FAM110B: variants seen among roughly 807,000 people sequenced by gnomAD.
The protein encoded by FAM110B is protein FAM110B.
Under a neutral mutation model 20.4 loss-of-function variants are expected in FAM110B, and 6 were observed. The observed-to-expected ratio is 0.29, with a 90% CI of 0.16 to 0.58. FAM110B has a LOEUF of 0.58. Among genes scored for constraint, FAM110B ranks in the 20% least tolerant of loss-of-function variants. The pLI, the probability that FAM110B is intolerant of heterozygous loss-of-function variation, is 0.90. For missense variants in FAM110B, 434 were observed against 498.2 expected, an observed-to-expected ratio of 0.87 and a Z score of 1.23; for synonymous variants, 226 against 214.1, an observed-to-expected ratio of 1.06 and a Z score of -0.49.
rs1479100400 is a variant in FAM110B, at chr8:58,040,146, A to G, written c.-414+8443A>G. 2.0e-5 allele frequency among the ~76,000 whole-genome samples: 3 copies of G among 151,080 alleles called. 1 individual carries two copies. Among genetic ancestry groups the G allele is most frequent in the Non-Finnish European group, 4.4e-5 (3 of 67,832 alleles). On this transcript the variant is annotated intron_variant, in intron 2 of 3. Transcript: ENST00000519262. ...GAATTGGTCAGCGCTTCTTCGACAT[A>G]CTGTACCCACCTCAGCAATTTTTGA... is the stretch of plus-strand genomic sequence containing the variant.
intron 1 of FAM110B, among the ~76,000 whole-genome samples, chr8:58,025,462 A>T (rs1334264397): frequency 1.3e-5 from 2 of 152,020 alleles, no homozygotes; most frequent in Non-Finnish European, 2.9e-5. Context: ...GGTAGATGAG[A>T]CTCCATCCAT....
chr8:58,042,928 G>T (rs550386892), intron 2 of FAM110B, among the ~76,000 whole-genome samples: 2 of 152,210 alleles, frequency 1.3e-5, no homozygotes, highest in Non-Finnish European at 2.9e-5. Flanking sequence ...ACTTTGCGTG[G>T]TGCTTTCATC....
At chr8:58,127,423 C>T (rs1304607945) in intron 3 of FAM110B, among the ~76,000 whole-genome samples, 1 of 152,222 alleles carries the variant, frequency 6.6e-6, no homozygotes, top group Admixed American at 6.5e-5. Context: ...CTTGCATAAG[C>T]TCGCAAATAA....
At chr8:58,019,361 G>GGAAA (rs142262404) in intron 1 of FAM110B, among the ~76,000 whole-genome samples, 7 of 115,542 alleles carry the variant, frequency 6.1e-5, no homozygotes, top group Non-Finnish European at 1.3e-4. Flanking sequence ...AAAAAAAAAA[G>GGAAA]GAAAGAAAGA....
chr8:58,075,271 T>TGTGTGTGTGTGTGTG (rs1554521060), intron 2 of FAM110B, among the ~76,000 whole-genome samples: 19 of 134,726 alleles, frequency 1.4e-4, no homozygotes, highest in African/African-American at 6.4e-4. Context: ...GCTTTTTTTT[T>TGTGTGTGTGTGTGTG]TTTTTGTGTG....
Position 58,148,695 on chromosome 8 carries a change from G to C in FAM110B, c.*1352G>C, listed in dbSNP as rs2150649646. 1 of 167,184 alleles carries C rather than the reference G, an allele frequency of 6.0e-6. No individual in the cohort carries two copies. Among genetic ancestry groups the C allele is most frequent in the African/African-American group, 2.4e-5 (1 of 41,578 alleles). The allele number at this position is 167,184 out of a possible 1,614,324, so 10.4% of individuals were successfully genotyped here. The stretch of plus-strand genomic sequence containing the variant: ...ATAGGAAACTTTTTATGGTGTAAAT[G>C]CTGTAAGACTTTGTACATACTTCAG... On this transcript the variant is annotated 3_prime_UTR_variant, in exon 4 of 4. Coordinates refer to ENST00000519262, the MANE Select transcript of FAM110B (RefSeq NM_001377989.1).
At chr8:58,058,114 G>C (rs1188098931) in intron 2 of FAM110B, among the ~76,000 whole-genome samples, 1 of 152,136 alleles carries the variant, frequency 6.6e-6, no homozygotes, top group East Asian at 1.9e-4. Context: ...AGTTGCAAGG[G>C]GATTGATTTC....
At chr8:58,041,802 A>G (rs1467941130) in intron 2 of FAM110B, among the ~76,000 whole-genome samples, 1 of 152,238 alleles carries the variant, frequency 6.6e-6, no homozygotes, top group Non-Finnish European at 1.5e-5. Context: ...TAGTGCAGGT[A>G]TTCCTATTCT....
chr8:58,062,265 C>G (rs531856853), intron 2 of FAM110B, among the ~76,000 whole-genome samples: 1 of 152,264 alleles, frequency 6.6e-6, no homozygotes, highest in South Asian at 2.1e-4. Context: ...ACAGAAAAAT[C>G]ATCACTGTTT....
In FAM110B at chr8:58,056,253, C is replaced by T. The variant is rs563403628; in HGVS notation, c.-413-19282C>T. Among the ~76,000 whole-genome samples, 19 of 152,284 alleles carry T rather than the reference C, an allele frequency of 1.2e-4. 1 individual carries two copies. In the South Asian group the frequency reaches 2.7e-3, roughly 22 times the overall value. ...TAACTTTTTTAAAAACTAAATTTTT[C>T]AGTCACTAAATAATTTTTGAATAAT... On this transcript the variant is annotated intron_variant, in intron 2 of 3. Coordinates refer to ENST00000519262, the MANE Select transcript of FAM110B (RefSeq NM_001377989.1).
intron 1 of FAM110B, among the ~76,000 whole-genome samples, chr8:57,998,098 C>T (rs1563492095): frequency 6.6e-6 from 1 of 152,216 alleles, no homozygotes; most frequent in Non-Finnish European, 1.5e-5. Context: ...AACTCATTGA[C>T]ATACTTTGAA....
intron 3 of FAM110B, among the ~76,000 whole-genome samples, chr8:58,113,907 A>G (rs1807129793): frequency 6.6e-6 from 1 of 152,240 alleles, no homozygotes; most frequent in Non-Finnish European, 1.5e-5. Flanking sequence ...GGCAAAGCAG[A>G]GTATAAGTGA....
intron 1 of FAM110B, among the ~76,000 whole-genome samples, chr8:58,019,327 ACT>A (rs1246976612): frequency 1.0e-5 from 1 of 97,958 alleles, no homozygotes; most frequent in Non-Finnish European, 2.1e-5. Context: ...ACAGAGTGAG[ACT>A]CTGTCTCAAA....
intron 1 of FAM110B, among the ~76,000 whole-genome samples, chr8:58,022,362 A>G (rs1329126571): frequency 6.6e-6 from 1 of 152,136 alleles, no homozygotes; most frequent in Non-Finnish European, 1.5e-5. Flanking sequence ...AGTGGTTTCC[A>G]GGGGCTGTAG....
intron 2 of FAM110B, among the ~76,000 whole-genome samples, chr8:58,063,195 G>A (rs769806447): frequency 1.3e-5 from 2 of 152,144 alleles, no homozygotes; most frequent in African/African-American, 2.4e-5. Context: ...TAGAGGGGCC[G>A]CTCATGAAAC....
At chr8:58,113,739 G>A (rs1807123099) in intron 3 of FAM110B, 1 of 152,200 alleles carries the variant, frequency 6.6e-6, no homozygotes, top group South Asian at 2.1e-4. Flanking sequence ...TCAGACCACA[G>A]CGATAGAGAA....
rs71557704 is a variant in FAM110B at position 58,105,556 on chromosome 8, A to ATTTTTTT, written c.-325+29957_-325+29963dup. The stretch of plus-strand genomic sequence containing the variant: ...TGAAAATGAATGAATGAATGAATGA[A>ATTTTTTT]TTTTTTTTTTTTTTTTTTTTTTTTT... On this transcript the variant is annotated intron_variant, in intron 3 of 3. Transcript: ENST00000519262. Among the ~76,000 whole-genome samples the ATTTTTTT allele has an allele frequency of 6.2e-3, 589 of 94,634 alleles. 34 individuals carry two copies. Among genetic ancestry groups the ATTTTTTT allele is most frequent in the Middle Eastern group, 0.022 (3 of 136 alleles). The allele number at this position is 94,634 out of a possible 152,430, so 62.1% of individuals were successfully genotyped here.
At chr8:58,045,019 G>A (rs1805291810) in intron 2 of FAM110B, among the ~76,000 whole-genome samples, 1 of 152,200 alleles carries the variant, frequency 6.6e-6, no homozygotes, top group African/African-American at 2.4e-5. Flanking sequence ...AAAAGTCAAT[G>A]CTTAATAGCC....
intron 3 of FAM110B, among the ~76,000 whole-genome samples, chr8:58,106,769 A>G (rs938450487): frequency 6.6e-6 from 1 of 152,252 alleles, no homozygotes; most frequent in South Asian, 2.1e-4. Context: ...TGCTCACGCC[A>G]TACTGTATGC....
Sources: gnomAD v4.1 joint callset for allele counts (sites outside exome capture counted in the v4.1 genomes callset) on GRCh38, gnomAD v4.1.1 for gene constraint, MANE v1.5 for transcripts, NCBI Gene and HGNC (gene_info 2026-07-23, HGNC 2026-07-21) for gene names.